BMP2K: variants seen among roughly 807,000 people sequenced by gnomAD.
The protein encoded by BMP2K is BMP-2-inducible protein kinase.
BMP2K carries 74 observed loss-of-function variants against 116.0 expected under a neutral mutation model. That is an observed-to-expected ratio of 0.64 (90% CI 0.53 to 0.77). BMP2K has a LOEUF of 0.77. Among genes scored for constraint, BMP2K ranks in the 30% least tolerant of loss-of-function variants. BMP2K has a pLI of 0.00. For synonymous variants in BMP2K, 486 were observed against 502.5 expected (o/e 0.97, Z 0.44); for missense variants, 1,365 against 1,403.6 (o/e 0.97, Z 0.44).
At chr4:78,887,335 C>A in intron 15 of BMP2K, 51 bp downstream of exon 15, 1 of 1,311,226 alleles carries the variant, frequency 7.6e-7, no homozygotes, top group Non-Finnish European at 1.1e-6. Flanking sequence ...CACACAAGAA[C>A]AACAGCAAAA....
At chr4:78,902,224 G>C (rs969441174) in intron 15 of BMP2K, among the ~76,000 whole-genome samples, 2 of 152,112 alleles carry the variant, frequency 1.3e-5, no homozygotes, top group African/African-American at 4.8e-5. Flanking sequence ...TTTATAAGTA[G>C]GAATCTGGCT....
chr4:78,872,015 T>A (rs1732383853), intron 12 of BMP2K, 67 bp downstream of exon 12: 1 of 1,109,848 alleles, frequency 9.0e-7, no homozygotes, highest in Non-Finnish European at 1.3e-6. Flanking sequence ...ACAGTATGAA[T>A]CATATTATTC....
rs191131899 is a variant in BMP2K at position 78,826,450 on chromosome 4, G to T, written c.297+295G>T. ...ACTCCTGACCTCAAGTGATCTGCTT[G>T]CCTTGGCCTCCCAAACTGTTGGGAT... On this transcript the variant is annotated intron_variant, in intron 2 of 15. Coordinates refer to ENST00000502613, the MANE Select transcript of BMP2K (RefSeq NM_198892.2). Among the ~76,000 whole-genome samples, 394 of 152,198 alleles carry T rather than the reference G, an allele frequency of 2.6e-3. 1 individual carries two copies. The highest frequency in any genetic ancestry group is 4.4e-3 in the Non-Finnish European group (302 of 68,000).
intron 1 of BMP2K, among the ~76,000 whole-genome samples, chr4:78,818,763 A>C (rs1560513678): frequency 1.4e-5 from 2 of 147,198 alleles, no homozygotes; most frequent in Non-Finnish European, 1.5e-5. Context: ...GTGTAGTTTA[A>C]CTCTAACCTT....
chr4:78,801,987 G>C (rs17003451), intron 1 of BMP2K, among the ~76,000 whole-genome samples: 28,024 of 152,092 alleles, frequency 0.18, 5,626 homozygotes, highest in African/African-American at 0.5. Flanking sequence ...TTCCATCTAG[G>C]CTCAATTACT....
intron 1 of BMP2K, among the ~76,000 whole-genome samples, chr4:78,806,513 A>G (rs1728828605): frequency 6.6e-6 from 1 of 152,156 alleles, no homozygotes; most frequent in African/African-American, 2.4e-5. Flanking sequence ...ATAGAGACAG[A>G]TTTACTTCTT....
At chr4:78,900,172 A>G (rs1733921291) in intron 15 of BMP2K, among the ~76,000 whole-genome samples, 1 of 152,184 alleles carries the variant, frequency 6.6e-6, no homozygotes, top group South Asian at 2.1e-4. Flanking sequence ...ATGATGATCT[A>G]CTTTCACTTA....
At chr4:78,813,695 A>G (rs920898381) in intron 1 of BMP2K, among the ~76,000 whole-genome samples, 4 of 151,942 alleles carry the variant, frequency 2.6e-5, no homozygotes, top group Non-Finnish European at 4.4e-5. Flanking sequence ...TCTTTACTCA[A>G]AGTCACCTCA....
chr4:78,857,658 T>TC (rs1454313076), intron 7 of BMP2K, among the ~76,000 whole-genome samples: 1 of 152,130 alleles, frequency 6.6e-6, no homozygotes, highest in African/African-American at 2.4e-5. Flanking sequence ...TTTAGGCCAC[T>TC]AGTCCATACT....
intron 15 of BMP2K, among the ~76,000 whole-genome samples, chr4:78,901,552 G>C (rs1734007824): frequency 6.6e-6 from 1 of 152,104 alleles, no homozygotes; most frequent in Admixed American, 6.6e-5. Context: ...TTTCACTAAA[G>C]GATTAACTAC....
intron 11 of BMP2K, 67 bp downstream of exon 11, chr4:78,871,127 A>G: frequency 6.4e-7 from 1 of 1,569,608 alleles, no homozygotes; most frequent in Non-Finnish European, 8.6e-7. Context: ...AATATCAGTG[A>G]ATTCCTTTTT....
At chr4:78,785,311 G>A (rs1020914321) in intron 1 of BMP2K, among the ~76,000 whole-genome samples, 6 of 151,954 alleles carry the variant, frequency 3.9e-5, no homozygotes, top group South Asian at 2.1e-4. Flanking sequence ...GGGCTTCACC[G>A]TGTTGGCCAG....
chr4:78,858,029 C>G (rs1731588025), intron 7 of BMP2K, among the ~76,000 whole-genome samples: 1 of 151,988 alleles, frequency 6.6e-6, no homozygotes, highest in African/African-American at 2.4e-5. Context: ...TAAAAAAAAT[C>G]TTAGTTTTGT....
intron 2 of BMP2K, among the ~76,000 whole-genome samples, chr4:78,832,397 A>C (rs887422425): frequency 6.6e-6 from 1 of 152,176 alleles, no homozygotes; most frequent in Non-Finnish European, 1.5e-5. Flanking sequence ...CGTCTTTACT[A>C]ACACACATAT....
chr4:78,902,286 A>AT (rs1293856677), intron 15 of BMP2K, among the ~76,000 whole-genome samples: 1 of 152,160 alleles, frequency 6.6e-6, no homozygotes, highest in Admixed American at 6.6e-5. Flanking sequence ...GCATTAACCT[A>AT]TTTTAAAGAA....
At chr4:78,823,629 G>T (rs914633749) in intron 1 of BMP2K, among the ~76,000 whole-genome samples, 1 of 147,280 alleles carries the variant, frequency 6.8e-6, no homozygotes, top group Non-Finnish European at 1.5e-5. Context: ...TATATATATA[G>T]TTATATAGTT....
At chr4:78,859,903 A>G in intron 8 of BMP2K, 1 of 567,822 alleles carries the variant, frequency 1.8e-6, no homozygotes, top group Non-Finnish European at 3.1e-6. Context: ...CAGCAGACTC[A>G]GGCAGAATAT....
chr4:78,782,881 A>C, intron 1 of BMP2K, among the ~76,000 whole-genome samples: 1 of 152,086 alleles, frequency 6.6e-6, no homozygotes, highest in Admixed American at 6.5e-5. Context: ...CTTACTCAGC[A>C]CCCTTTTTTG....
chr4:78,825,402 T>C (rs1277001351), intron 1 of BMP2K, among the ~76,000 whole-genome samples: 2 of 152,176 alleles, frequency 1.3e-5, no homozygotes, highest in Non-Finnish European at 2.9e-5. Flanking sequence ...GCATTAGGGC[T>C]AAACATCATA....
Sources: gnomAD v4.1 joint callset for allele counts (sites outside exome capture counted in the v4.1 genomes callset) on GRCh38, gnomAD v4.1.1 for gene constraint, MANE v1.5 for transcripts, NCBI Gene and HGNC (gene_info 2026-07-23, HGNC 2026-07-21) for gene names.